The following KSR2 variants were observed in gnomAD, a reference collection of about 807,000 sequenced individuals.
KSR2 encodes the protein kinase suppressor of ras 2.
KSR2 carries 25 observed loss-of-function variants against 107.8 expected under a neutral mutation model. The observed-to-expected ratio is 0.23, with a 90% CI of 0.17 to 0.32. The LOEUF (loss-of-function observed/expected upper bound fraction) is 0.32, where lower values mean the gene tolerates loss of function less well. Among genes scored for constraint, KSR2 ranks in the 10% least tolerant of loss-of-function variants. The probability of loss-of-function intolerance (pLI) is 1.00; values close to 1 mark genes in which losing one functional copy is unlikely to be tolerated. For missense variants in KSR2, 887 were observed against 1,268.9 expected, an observed-to-expected ratio of 0.70 and a Z score of 4.57; for synonymous variants, 480 against 507.0, an observed-to-expected ratio of 0.95 and a Z score of 0.71.
intron 4 of KSR2, among the ~76,000 whole-genome samples, chr12:117,698,627 G>C (rs113726365): frequency 0.017 from 2,618 of 152,098 alleles, 64 homozygotes; most frequent in African/African-American, 0.053. Context: ...TACCCGGCCA[G>C]ACTTTTTCTC....
chr12:117,918,265 G>A (rs1321137391), intron 1 of KSR2, among the ~76,000 whole-genome samples: 3 of 152,136 alleles, frequency 2.0e-5, no homozygotes, highest in African/African-American at 2.4e-5. Flanking sequence ...CATGGTGTTT[G>A]TGCAAAATCC....
At position 117,853,276 on chromosome 12, in the gene KSR2, T is replaced by G. The variant is rs748588982; in HGVS notation, c.472+2152A>C. 9.2e-5 allele frequency among the ~76,000 whole-genome samples: 14 copies of G among 152,156 alleles called. 1 individual carries two copies. The South Asian group carries it at 1.2e-3, about 14-fold the overall frequency. On this transcript the variant is annotated intron_variant, in intron 3 of 19. Transcript: ENST00000339824. ...GATTGGTTGAATAAATTGTTAGTAT[T>G]CAGGTATTAAAAATAAGAAGTGAAT...
At chr12:117,489,856 C>A (rs1283179769) in intron 14 of KSR2, among the ~76,000 whole-genome samples, 1 of 152,158 alleles carries the variant, frequency 6.6e-6, no homozygotes, top group Admixed American at 6.5e-5. Context: ...CTAGGGCGGC[C>A]CCGGCAAGTC....
intron 1 of KSR2, among the ~76,000 whole-genome samples, chr12:117,930,823 A>G (rs1172420293): frequency 6.6e-6 from 1 of 152,144 alleles, no homozygotes; most frequent in East Asian, 1.9e-4. Flanking sequence ...CTGAGGGAGG[A>G]GAATCACTTG....
chr12:117,468,175 G>A (rs940335226), intron 19 of KSR2, among the ~76,000 whole-genome samples: 3 of 152,248 alleles, frequency 2.0e-5, no homozygotes, highest in South Asian at 2.1e-4. Context: ...AATAGGGCTC[G>A]GTCTCCCTCT....
chr12:117,886,783 T>C (rs1894190334), intron 1 of KSR2, among the ~76,000 whole-genome samples: 1 of 152,178 alleles, frequency 6.6e-6, no homozygotes, highest in African/African-American at 2.4e-5. Context: ...CACATATAGA[T>C]GTTGAGATGT....
intron 5 of KSR2, among the ~76,000 whole-genome samples, chr12:117,623,020 A>C (rs2136345191): frequency 6.6e-6 from 1 of 152,340 alleles, no homozygotes; most frequent in East Asian, 1.9e-4. Context: ...CAGAGCTGAC[A>C]TGAAAACCAG....
intron 1 of KSR2, among the ~76,000 whole-genome samples, chr12:117,936,533 T>TTAGTAGTAGTAGTAG (rs60536021): frequency 6.7e-5 from 8 of 119,682 alleles, no homozygotes; most frequent in Non-Finnish European, 1.4e-4. Context: ...ATTATTATTA[T>TTAGTAGTAGTAGTAG]TAGTAGTAGT....
intron 1 of KSR2, among the ~76,000 whole-genome samples, chr12:117,932,057 C>T (rs1426420380): frequency 3.3e-5 from 5 of 151,788 alleles, no homozygotes; most frequent in Non-Finnish European, 5.9e-5. Context: ...GAGGCTAAGG[C>T]GGGTGGATCG....
intron 5 of KSR2, among the ~76,000 whole-genome samples, chr12:117,652,087 T>C (rs1274418394): frequency 1.3e-5 from 2 of 152,096 alleles, no homozygotes; most frequent in Admixed American, 6.5e-5. Flanking sequence ...TATGTTCTCA[T>C]TGATATGTGG....
At chr12:117,896,015 T>C (rs1259081963) in intron 1 of KSR2, among the ~76,000 whole-genome samples, 1 of 152,178 alleles carries the variant, frequency 6.6e-6, no homozygotes, top group Non-Finnish European at 1.5e-5. Flanking sequence ...GCCAAGACCA[T>C]GCCACTGCAC....
chr12:117,539,983 C>G, intron 9 of KSR2, 96 bp from the exon 10 acceptor site: 1 of 1,025,792 alleles, frequency 9.7e-7, no homozygotes, highest in South Asian at 1.5e-5. Flanking sequence ...CCACCCCAGC[C>G]CCTGCAACAA....
At chr12:117,825,902 C>CGTGGATGG (rs1373791697) in intron 3 of KSR2, among the ~76,000 whole-genome samples, 6 of 100,336 alleles carry the variant, frequency 6.0e-5, no homozygotes, top group Admixed American at 2.5e-4. Context: ...TGCATAGATG[C>CGTGGATGG]GTGGATGGGT....
At chr12:117,730,329 A>G (rs1323972478) in intron 4 of KSR2, among the ~76,000 whole-genome samples, 1 of 152,158 alleles carries the variant, frequency 6.6e-6, no homozygotes, top group Non-Finnish European at 1.5e-5. Flanking sequence ...CTATAAACTG[A>G]TACTATATAT....
At chr12:117,752,165 G>C (rs1342833261) in intron 4 of KSR2, among the ~76,000 whole-genome samples, 4 of 152,226 alleles carry the variant, frequency 2.6e-5, no homozygotes. Context: ...AGTTGGAACA[G>C]AGAGAATGGG....
chr12:117,575,700 CT>C (rs1879241706), intron 7 of KSR2, among the ~76,000 whole-genome samples: 1 of 152,230 alleles, frequency 6.6e-6, no homozygotes. Context: ...CATGTCAAAA[CT>C]CCTGAAGCAT....
chr12:117,864,269 A>G (rs1197888442), intron 1 of KSR2, among the ~76,000 whole-genome samples: 3 of 152,182 alleles, frequency 2.0e-5, no homozygotes, highest in Non-Finnish European at 4.4e-5. Flanking sequence ...GAGCAAATAA[A>G]CAAATCTACT....
At chr12:117,696,587 T>C (rs1009429570) in intron 4 of KSR2, among the ~76,000 whole-genome samples, 1 of 152,160 alleles carries the variant, frequency 6.6e-6, no homozygotes, top group Admixed American at 6.5e-5. Flanking sequence ...TCCAGCTCTG[T>C]GGCTGACCAG....
rs1876302029 is a variant in KSR2, at chr12:117,539,432, T to A, written c.1687+287A>T. 1.3e-5 allele frequency: 5 copies of A among 376,878 alleles called. No homozygotes were observed. In the South Asian group the frequency reaches 4.2e-4, roughly 32 times the overall value. The allele number at this position is 376,878 out of a possible 1,614,324, so 23.3% of individuals were successfully genotyped here. On this transcript the variant is annotated intron_variant, in intron 10 of 19. Coordinates refer to ENST00000339824, the MANE Select transcript of KSR2 (RefSeq NM_173598.6). ...GGTTGTAGCTCGCCAAAAGACAGAG[T>A]CTCTAAGAGTTCCTGCACCTCTTTG...
Sources: gnomAD v4.1 joint callset for allele counts (sites outside exome capture counted in the v4.1 genomes callset) on GRCh38, gnomAD v4.1.1 for gene constraint, MANE v1.5 for transcripts, NCBI Gene and HGNC (gene_info 2026-07-23, HGNC 2026-07-21) for gene names.